The following PRP4K variants were observed in gnomAD, a reference collection of about 807,000 sequenced individuals.
PRP4K encodes the protein pre-mRNA processing factor kinase PRP4K, also known as serine/threonine-protein kinase PRP4 homolog.
At chr6:4,058,848 TTTA>T in the PRP4K span, 3 of 1,509,960 alleles carry the variant, frequency 2.0e-6, no homozygotes, top group Non-Finnish European at 2.7e-6. Context: ...CAATAGTTAT[TTTA>T]TTGTTAACTG....
chr6:4,062,047 AAT>A, the PRP4K span: 1 of 152,638 alleles, frequency 6.6e-6, no homozygotes, highest in East Asian at 1.9e-4. This position sits in a 1 kb window ranked among gnomAD's most constrained non-coding sequence, Gnocchi z 4.2. Context: ...ACCTAGCCAA[AAT>A]TACCAGTTTA....
At chr6:4,048,804 G>T in the PRP4K span, among the ~76,000 whole-genome samples, 75 of 126,730 alleles carry the variant, frequency 5.9e-4, no homozygotes, top group African/African-American at 2.6e-3. Flanking sequence ...AGGGGTTTTT[G>T]TTTTTTTTTT....
the PRP4K span, among the ~76,000 whole-genome samples, chr6:4,033,602 A>G: frequency 3.9e-5 from 6 of 152,296 alleles, no homozygotes; most frequent in South Asian, 2.1e-4. Context: ...TGAAATTGCC[A>G]GCTAGGTTTT....
chr6:4,038,919 C>CTTTTTT, the PRP4K span, among the ~76,000 whole-genome samples: 35 of 144,114 alleles, frequency 2.4e-4, no homozygotes, highest in African/African-American at 3.6e-4. Flanking sequence ...AATTTTTGTG[C>CTTTTTT]TTTTTTTTTT....
the PRP4K span, chr6:4,042,597 T>C: frequency 6.4e-7 from 1 of 1,552,766 alleles, no homozygotes; most frequent in African/African-American, 1.4e-5. Context: ...AAATAACCAT[T>C]ATTGTAGTAA....
At chr6:4,064,188 GT>G in the PRP4K span, 5 of 152,398 alleles carry the variant, frequency 3.3e-5, no homozygotes, top group Non-Finnish European at 7.4e-5. Flanking sequence ...TCAAAATTTT[GT>G]TTTAAAATAA....
At chr6:4,057,806 G>C in the PRP4K span, among the ~76,000 whole-genome samples, 1 of 137,392 alleles carries the variant, frequency 7.3e-6, no homozygotes, top group Non-Finnish European at 1.5e-5. Context: ...CCAGGCTGCA[G>C]TGCAGTGGCG....
chr6:4,036,546 G>A, the PRP4K span, among the ~76,000 whole-genome samples: 2 of 152,078 alleles, frequency 1.3e-5, no homozygotes, highest in Non-Finnish European at 2.9e-5. Context: ...TTTGAGACAA[G>A]TTCTCACTCT....
the PRP4K span, among the ~76,000 whole-genome samples, chr6:4,046,309 G>C: frequency 6.6e-6 from 1 of 152,154 alleles, no homozygotes; most frequent in African/African-American, 2.4e-5. Flanking sequence ...TGTACTTTTG[G>C]ATGTTTAGCT....
At chr6:4,052,022 A>G in the PRP4K span, 1 of 1,606,954 alleles carries the variant, frequency 6.2e-7, no homozygotes, top group Non-Finnish European at 8.5e-7. Flanking sequence ...CCTGATGACA[A>G]ATTTCATTGT....
At chr6:4,040,999 A>C in the PRP4K span, 1 of 1,427,956 alleles carries the variant, frequency 7.0e-7, no homozygotes, top group Non-Finnish European at 9.5e-7. Context: ...GAAATTGTTA[A>C]ATAATATCCA....
the PRP4K span, chr6:4,032,644 C>T: frequency 6.2e-7 from 1 of 1,614,046 alleles, no homozygotes; most frequent in East Asian, 2.2e-5. Flanking sequence ...GATAGAAGAT[C>T]TAAGCAGAGC....
At chr6:4,056,740 C>G in the PRP4K span, 2 of 1,508,110 alleles carry the variant, frequency 1.3e-6, no homozygotes, top group Non-Finnish European at 1.8e-6. Flanking sequence ...TTTCCTGTTG[C>G]CTTGGTTGAG....
At chr6:4,052,840 C>A in the PRP4K span, 2 of 1,612,848 alleles carry the variant, frequency 1.2e-6, no homozygotes, top group African/African-American at 1.3e-5. Context: ...GATGCAATAT[C>A]CTACATGCAG....
the PRP4K span, among the ~76,000 whole-genome samples, chr6:4,037,054 A>G: frequency 6.6e-6 from 1 of 152,080 alleles, no homozygotes; most frequent in South Asian, 2.1e-4. Flanking sequence ...AAAAGTCGTC[A>G]ATGAAAATGG....
chr6:4,046,022 A>G, the PRP4K span, among the ~76,000 whole-genome samples: 2 of 152,208 alleles, frequency 1.3e-5, no homozygotes, highest in African/African-American at 2.4e-5. Context: ...AGGCTCCGCC[A>G]TAGTTTATTC....
the PRP4K span, chr6:4,063,140 T>A: frequency 6.6e-6 from 1 of 152,338 alleles, no homozygotes; most frequent in African/African-American, 2.4e-5. Flanking sequence ...TATAAAAGAT[T>A]TATTAAAAAA....
chr6:4,043,980 A>G, the PRP4K span: 149,467 of 1,613,960 alleles, frequency 0.093, 7,490 homozygotes, highest in Non-Finnish European at 0.1. Flanking sequence ...TTGAGGCCTC[A>G]GTGAAAGCCA....
the PRP4K span, among the ~76,000 whole-genome samples, chr6:4,053,690 G>A: frequency 6.6e-6 from 1 of 152,124 alleles, no homozygotes; most frequent in Non-Finnish European, 1.5e-5. Flanking sequence ...GTGGCCTTCA[G>A]TTTGGGTCGT....
Sources: gnomAD v4.1 joint callset for allele counts (sites outside exome capture counted in the v4.1 genomes callset) on GRCh38, gnomAD v4.1.1 for gene constraint, Gnocchi (gnomAD v3.1) non-coding constraint, MANE v1.5 for transcripts, NCBI Gene and HGNC (gene_info 2026-07-23, HGNC 2026-07-21) for gene names.